FRMD4B: variants seen among roughly 807,000 people sequenced by gnomAD.
The protein encoded by FRMD4B is FERM domain-containing protein 4B.
FRMD4B carries 74 observed loss-of-function variants against 141.5 expected under a neutral mutation model. The observed-to-expected ratio is 0.52, with a 90% CI of 0.43 to 0.63. FRMD4B has a LOEUF of 0.63. FRMD4B is among the 30% of genes least tolerant of loss of function. FRMD4B has a pLI of 0.00. For missense variants in FRMD4B, 1,366 were observed against 1,253.4 expected, an observed-to-expected ratio of 1.09 and a Z score of -1.36; for synonymous variants, 506 against 467.9, an observed-to-expected ratio of 1.08 and a Z score of -1.05.
intron 11 of FRMD4B, chr3:69,200,545 A>T (rs925628136): frequency 9.0e-7 from 1 of 1,110,222 alleles, no homozygotes; most frequent in East Asian, 6.6e-5. Context: ...GTGTAACTCA[A>T]TTTCACAAAC....
Position 69,196,905 on chromosome 3 carries a change from T to C in FRMD4B, c.1087A>G (p.Ser363Gly). Residue 363 changes from serine to glycine, a missense_variant, in exon 13 of 23, where the codon AGC (serine) becomes GGC (glycine). By Grantham distance (56) the Ser-to-Gly change is moderately conservative. Transcript: ENST00000398540. ...QHQFYLDRKQ[S>G]KAKIPSARSL... is the part of the protein sequence containing the mutation. ...AAATGATGCCAGTTACTTACTTTGCTTTGCTTCCGGTCCAAGTAAAACTGA... is the reference window on the plus strand; with the variant it reads ...AAATGATGCCAGTTACTTACTTTGCCTTGCTTCCGGTCCAAGTAAAACTGA... 1 of 1,610,656 alleles carries C rather than the reference T, an allele frequency of 6.2e-7. No individual in the cohort carries two copies. Among genetic ancestry groups the C allele is most frequent in the South Asian group, 1.1e-5 (1 of 90,876 alleles).
intron 22 of FRMD4B, among the ~76,000 whole-genome samples, chr3:69,176,001 C>T (rs1045896353): frequency 2.6e-5 from 4 of 151,944 alleles, no homozygotes; most frequent in Non-Finnish European, 2.9e-5. Context: ...AGGATGGTCT[C>T]GATCTCCTGA....
At chr3:69,525,198 C>T (rs1483808649) in intron 1 of FRMD4B, among the ~76,000 whole-genome samples, 1 of 151,842 alleles carries the variant, frequency 6.6e-6, no homozygotes, top group Non-Finnish European at 1.5e-5. Flanking sequence ...ATCCTGCCAC[C>T]CAAGTTATAC....
At chr3:69,501,781 C>T (rs969951602) in intron 1 of FRMD4B, among the ~76,000 whole-genome samples, 1 of 152,096 alleles carries the variant, frequency 6.6e-6, no homozygotes, top group Non-Finnish European at 1.5e-5. Context: ...TCTAGAAAAC[C>T]CCACTGTCTC....
chr3:69,270,936 A>T (rs1462879408), intron 5 of FRMD4B, among the ~76,000 whole-genome samples: 1 of 152,260 alleles, frequency 6.6e-6, no homozygotes, highest in Non-Finnish European at 1.5e-5. Flanking sequence ...AAAAATATAT[A>T]TTATGAAACA....
intron 1 of FRMD4B, among the ~76,000 whole-genome samples, chr3:69,365,377 A>G (rs531309403): frequency 6.6e-6 from 1 of 152,370 alleles, no homozygotes; most frequent in African/African-American, 2.4e-5. Flanking sequence ...TAATAAATGA[A>G]GTAAAATAAA....
intron 1 of FRMD4B, among the ~76,000 whole-genome samples, chr3:69,476,607 C>T (rs1428984810): frequency 1.3e-5 from 2 of 152,130 alleles, no homozygotes; most frequent in Admixed American, 1.3e-4. Flanking sequence ...GTTACTCTAG[C>T]CTTGTAGTAT....
chr3:69,290,162 G>A (rs1299752288), intron 4 of FRMD4B, among the ~76,000 whole-genome samples: 1 of 152,164 alleles, frequency 6.6e-6, no homozygotes, highest in Non-Finnish European at 1.5e-5. Context: ...TGACTCAAAG[G>A]CAGCCAAGAT....
chr3:69,192,522 A>G lies in FRMD4B; in HGVS notation c.1714+1126T>C, dbSNP rs79305552. Among the ~76,000 whole-genome samples the G allele has an allele frequency of 3.7e-3, 563 of 152,314 alleles. 13 individuals are homozygous for G. The East Asian group carries it at 0.05, about 14-fold the overall frequency. On this transcript the variant is annotated intron_variant, in intron 17 of 22. Transcript: ENST00000398540. ...CAGGCTGAAAACCATACCAATAAAC[A>G]TGTAAGGTCAATTGGACTTTAAATC...
Position 69,176,507 on chromosome 3 carries a change from G to C in FRMD4B, c.2984+17C>G, listed in dbSNP as rs764229250. The C allele has an allele frequency of 1.9e-5, 30 of 1,602,552 alleles. No homozygotes were observed. The South Asian group carries it at 2.4e-4, about 13-fold the overall frequency. ...ACTGGAACAGGCTCCTAGGATTTTC[G>C]AGCATTGCTTCCTCACCTGCTTGGA... On this transcript the variant is annotated intron_variant, in intron 22 of 22. Coordinates refer to ENST00000398540, the MANE Select transcript of FRMD4B (RefSeq NM_015123.3).
chr3:69,483,050 C>T (rs1248075771), intron 1 of FRMD4B, among the ~76,000 whole-genome samples: 2 of 152,106 alleles, frequency 1.3e-5, no homozygotes, highest in African/African-American at 2.4e-5. Context: ...TATCGGTCTT[C>T]CTTTGAGAGT....
At chr3:69,172,753 T>A (rs2092601383) in intron 22 of FRMD4B, among the ~76,000 whole-genome samples, 1 of 152,188 alleles carries the variant, frequency 6.6e-6, no homozygotes, top group African/African-American at 2.4e-5. Context: ...AATGAGAGCA[T>A]CCTATCATAC....
At chr3:69,539,973 GTT>G (rs1350468844) in intron 1 of FRMD4B, among the ~76,000 whole-genome samples, 1 of 151,068 alleles carries the variant, frequency 6.6e-6, no homozygotes, top group Non-Finnish European at 1.5e-5. Flanking sequence ...GTGGTGGATG[GTT>G]TGAAGTCAGG....
chr3:69,527,993 A>G (rs1378942856), intron 1 of FRMD4B, among the ~76,000 whole-genome samples: 1 of 152,188 alleles, frequency 6.6e-6, no homozygotes, highest in African/African-American at 2.4e-5. Context: ...AGATCTCAAT[A>G]AGTGAAGAAA....
At position 69,261,608 on chromosome 3, in the gene FRMD4B, G is replaced by A. The variant is rs548542637; in HGVS notation, c.502-11509C>T. Among the ~76,000 whole-genome samples, 23 of 152,266 alleles carry A rather than the reference G, an allele frequency of 1.5e-4. No homozygotes were observed. The South Asian group carries it at 3.9e-3, about 26-fold the overall frequency. On this transcript the variant is annotated intron_variant, in intron 5 of 22. Transcript: ENST00000398540. ...TTATATCTTACTGCACACTTCATAC[G>A]TGGCTGGTGGACTCTAAGTTGGTAT...
At chr3:69,258,873 C>A (rs577717969) in intron 5 of FRMD4B, among the ~76,000 whole-genome samples, 2 of 152,210 alleles carry the variant, frequency 1.3e-5, no homozygotes, top group East Asian at 3.9e-4. Context: ...TCCTCATCTG[C>A]AAAATAGAAG....
intron 1 of FRMD4B, among the ~76,000 whole-genome samples, chr3:69,366,938 T>C (rs1279851495): frequency 6.6e-6 from 1 of 152,044 alleles, no homozygotes; most frequent in Non-Finnish European, 1.5e-5. Context: ...CCGACTAATT[T>C]GTATTTTTTG....
intron 1 of FRMD4B, among the ~76,000 whole-genome samples, chr3:69,515,013 T>C (rs923704155): frequency 1.3e-5 from 2 of 152,106 alleles, no homozygotes; most frequent in African/African-American, 2.4e-5. Flanking sequence ...CATAAAGACA[T>C]ACAAATAGAC....
chr3:69,506,716 G>T (rs550480489), intron 1 of FRMD4B, among the ~76,000 whole-genome samples: 11 of 151,862 alleles, frequency 7.2e-5, no homozygotes, highest in Middle Eastern at 6.8e-3. Flanking sequence ...ATTTTTTTGG[G>T]GGGGGTGGGT....
Sources: gnomAD v4.1 joint callset for allele counts (sites outside exome capture counted in the v4.1 genomes callset) on GRCh38, gnomAD v4.1.1 for gene constraint, MANE v1.5 for transcripts, NCBI Gene and HGNC (gene_info 2026-07-23, HGNC 2026-07-21) for gene names.